Variants in ZNF227 observed in about 807,000 individuals in gnomAD.
ZNF227 encodes the protein zinc finger protein 227.
A neutral mutation model predicts 13.2 loss-of-function variants in ZNF227; 12 were observed. The observed-to-expected ratio is 0.91, with a 90% CI of 0.58 to 1.47. The LOEUF (loss-of-function observed/expected upper bound fraction) is 1.47, where lower values mean the gene tolerates loss of function less well. ZNF227 is among the 40% of genes most tolerant of loss of function. ZNF227 has a pLI of 0.00. For synonymous variants in ZNF227, 338 were observed against 326.0 expected (o/e 1.04, Z -0.40); for missense variants, 885 against 967.5 (o/e 0.91, Z 1.13).
chr19:44,228,293 G>A (rs954032018), intron 3 of ZNF227, 153 bp from the exon 4 acceptor site: 2 of 817,110 alleles, frequency 2.4e-6, no homozygotes, highest in South Asian at 3.9e-5. Context: ...GTAGGAGATA[G>A]TGAGACAGGG....
upstream of ZNF227, among the ~76,000 whole-genome samples, chr19:44,208,068 A>G (rs1971251749): frequency 6.6e-6 from 1 of 152,256 alleles, no homozygotes; most frequent in Non-Finnish European, 1.5e-5. Flanking sequence ...AATGTAGAAA[A>G]GAAAGCTGTC....
At chr19:44,219,228 C>T (rs1972197134) in intron 3 of ZNF227, among the ~76,000 whole-genome samples, 1 of 151,958 alleles carries the variant, frequency 6.6e-6, no homozygotes, top group Admixed American at 6.6e-5. Context: ...CAATGCCCCT[C>T]ATCCAGTTTC....
chr19:44,212,406 G>A (rs1971426267), upstream of ZNF227: 1 of 149,422 alleles, frequency 6.7e-6, no homozygotes, highest in Admixed American at 6.7e-5. Context: ...CGCGAAGAGG[G>A]CGGCACCTGG....
intron 5 of ZNF227, among the ~76,000 whole-genome samples, chr19:44,231,843 T>G (rs528527625): frequency 6.6e-6 from 1 of 152,360 alleles, no homozygotes; most frequent in South Asian, 2.1e-4. Context: ...CCTACTAACC[T>G]TAGAAGATAA....
chr19:44,216,591 C>A (rs931040914), intron 2 of ZNF227, among the ~76,000 whole-genome samples: 1 of 152,206 alleles, frequency 6.6e-6, no homozygotes, highest in Admixed American at 6.5e-5. Context: ...ACCTCTCAGT[C>A]ATTCCCTCCA....
Position 44,234,921 on chromosome 19 carries a change from T to C in ZNF227, c.491T>C (p.Ile164Thr), listed in dbSNP as rs377692877. 10 of 1,612,950 alleles carry C rather than the reference T, an allele frequency of 6.2e-6. No homozygotes were observed. Among genetic ancestry groups the C allele is most frequent in the African/African-American group, 5.3e-5 (4 of 74,788 alleles). ...MNPKGDSSIY[I>T]ENQEFPFWRT... ...CCTAAAGGAGATAGCTCTATTTATA[T>C]TGAAAATCAAGAGTTTCCATTTTGG... Residue 164 changes from isoleucine to threonine, a missense_variant, in exon 6 of 6, where the codon ATT becomes ACT. By Grantham distance (89) the Ile-to-Thr change is moderately conservative. Coordinates refer to ENST00000313040, the MANE Select transcript of ZNF227 (RefSeq NM_182490.3).
intron 3 of ZNF227, among the ~76,000 whole-genome samples, chr19:44,220,871 A>C: frequency 6.8e-6 from 1 of 147,550 alleles, no homozygotes; most frequent in East Asian, 2.0e-4. Flanking sequence ...ATGTGTTCTC[A>C]TTGTTCAGTT....
At chr19:44,226,120 C>G (rs1568603746) in intron 3 of ZNF227, among the ~76,000 whole-genome samples, 1 of 152,208 alleles carries the variant, frequency 6.6e-6, no homozygotes. Flanking sequence ...GCAAATGCTG[C>G]TGCCTGATTG....
At chr19:44,231,069 C>T (rs1457577972) in intron 5 of ZNF227, among the ~76,000 whole-genome samples, 1 of 150,648 alleles carries the variant, frequency 6.6e-6, no homozygotes, top group Non-Finnish European at 1.5e-5. Flanking sequence ...GTCTCCCACA[C>T]ACACAAAATT....
intron 5 of ZNF227, among the ~76,000 whole-genome samples, chr19:44,232,562 C>T (rs559456255): frequency 6.6e-6 from 1 of 152,210 alleles, no homozygotes; most frequent in East Asian, 1.9e-4. Context: ...TGGCTTCCCT[C>T]TTTCTTCCCT....
rs1974566912 is a variant in ZNF227, at chr19:44,236,872, T to C, written c.*42T>C. 1 of 1,510,790 alleles carries C rather than the reference T, an allele frequency of 6.6e-7. No homozygotes were observed. Among genetic ancestry groups the C allele is most frequent in the African/African-American group, 1.4e-5 (1 of 71,634 alleles). The allele number at this position is 1,510,790 out of a possible 1,614,324, so 93.6% of individuals were successfully genotyped here. A position where few individuals can be genotyped will look rare whatever the true frequency, so the allele number is the denominator to read the frequency against. On this transcript the variant is annotated 3_prime_UTR_variant, in exon 6 of 6. Transcript: ENST00000313040. The stretch of plus-strand genomic sequence containing the variant: ...ACCAACTTTTGTCTGAATGCACATC[T>C]TCAAGTTTTTGGCTAGTCCATGCTG...
chr19:44,218,028 A>G (rs1396023908), intron 3 of ZNF227, among the ~76,000 whole-genome samples, 176 bp downstream of exon 3: 3 of 152,178 alleles, frequency 2.0e-5, no homozygotes, highest in African/African-American at 7.2e-5. Flanking sequence ...TTTACAAAAC[A>G]GTGTTTGAAA....
chr19:44,233,486 T>G (rs1974074175), intron 5 of ZNF227, among the ~76,000 whole-genome samples: 1 of 152,176 alleles, frequency 6.6e-6, no homozygotes, highest in Non-Finnish European at 1.5e-5. Context: ...ATGCGTGTTT[T>G]TTTCATGACC....
At chr19:44,234,126 C>T (rs147136090) in intron 5 of ZNF227, among the ~76,000 whole-genome samples, 22 of 152,234 alleles carry the variant, frequency 1.4e-4, no homozygotes, top group Middle Eastern at 3.4e-3. Context: ...ATTTCCTCTC[C>T]GAAGTTCTCT....
chr19:44,226,755 G>A (rs1482923321), intron 3 of ZNF227, among the ~76,000 whole-genome samples: 1 of 152,092 alleles, frequency 6.6e-6, no homozygotes, highest in Non-Finnish European at 1.5e-5. Flanking sequence ...CCCTGCTTTG[G>A]CTCACACCCA....
chr19:44,234,198 G>A (rs1005133712), intron 5 of ZNF227, among the ~76,000 whole-genome samples: 6 of 152,146 alleles, frequency 3.9e-5, no homozygotes, highest in African/African-American at 4.8e-5. Context: ...TTTCTACCAG[G>A]TTTTAGAACA....
At chr19:44,229,624 T>C (rs1973570936) in intron 4 of ZNF227, 109 bp from the exon 5 acceptor site, 2 of 531,518 alleles carry the variant, frequency 3.8e-6, no homozygotes, top group Non-Finnish European at 5.8e-6. Context: ...AATAAATAAA[T>C]AAAATAATAA....
chr19:44,208,690 C>T (rs562664931), upstream of ZNF227, among the ~76,000 whole-genome samples: 1 of 152,238 alleles, frequency 6.6e-6, no homozygotes, highest in Non-Finnish European at 1.5e-5. Context: ...AAGTTGGAGC[C>T]TCAAGTCTGT....
chr19:44,212,034 C>A (rs1183634535), upstream of ZNF227, among the ~76,000 whole-genome samples: 2 of 151,338 alleles, frequency 1.3e-5, no homozygotes, highest in Non-Finnish European at 2.9e-5. Context: ...GGACTACAGG[C>A]GCGCGCCACC....
Sources: gnomAD v4.1 joint callset for allele counts (sites outside exome capture counted in the v4.1 genomes callset) on GRCh38, gnomAD v4.1.1 for gene constraint, MANE v1.5 for transcripts, NCBI Gene and HGNC (gene_info 2026-07-23, HGNC 2026-07-21) for gene names.